The following MPPED1 variants were observed in gnomAD, a reference collection of about 807,000 sequenced individuals.
MPPED1 encodes metallophosphoesterase domain containing 1.
In MPPED1, 16 loss-of-function variants were observed where a neutral mutation model predicts 36.2. The ratio of observed to expected loss-of-function variants is 0.44; its 90% CI spans 0.30 to 0.67. The LOEUF (loss-of-function observed/expected upper bound fraction) is 0.67, where lower values mean the gene tolerates loss of function less well. Ranked by LOEUF, MPPED1 falls within the 30% of genes least tolerant of loss-of-function variation. The pLI is 0.10. For synonymous variants in MPPED1, 199 were observed against 191.3 expected, an observed-to-expected ratio of 1.04 and a Z score of -0.33; for missense variants, 307 against 453.4, an observed-to-expected ratio of 0.68 and a Z score of 2.93.
At chr22:43,462,110 T>C (rs142225018) in intron 3 of MPPED1, among the ~76,000 whole-genome samples, 285 of 152,332 alleles carry the variant, frequency 1.9e-3, no homozygotes, top group Non-Finnish European at 3.4e-3. Context: ...TTCTACCTGC[T>C]CTGTCTTTCC....
chr22:43,471,376 G>C (rs1036206934), intron 3 of MPPED1, among the ~76,000 whole-genome samples: 19 of 152,326 alleles, frequency 1.2e-4, no homozygotes, highest in African/African-American at 4.6e-4. Context: ...TTGGGGAGGG[G>C]CTCGATGAGG....
intron 4 of MPPED1, among the ~76,000 whole-genome samples, chr22:43,488,071 T>C (rs1208445329): frequency 6.6e-6 from 1 of 152,102 alleles, no homozygotes; most frequent in Non-Finnish European, 1.5e-5. Flanking sequence ...GTGGAGGCCA[T>C]GGTGGCAGCT....
intron 1 of MPPED1, chr22:43,418,060 T>A (rs1186193182): frequency 2.2e-6 from 1 of 456,302 alleles, no homozygotes; most frequent in Admixed American, 2.3e-5. Flanking sequence ...AGCACCATAT[T>A]ATGCTAGCCC....
chr22:43,474,707 T>C lies in MPPED1; in HGVS notation c.407-29T>C. On this transcript the variant is annotated intron_variant, in intron 3 of 6. Coordinates refer to ENST00000443721, the MANE Select transcript of MPPED1 (RefSeq NM_001044370.2). This position sits in a 1 kb window ranked among gnomAD's most constrained non-coding sequence, Gnocchi z 5.2. ...TCTGGACAAGCTGACGGCTGTGTGC[T>C]GTGTGTCTGTCTGTGTCCACCCCTG... is the stretch of plus-strand genomic sequence containing the variant. 6.2e-7 allele frequency: 1 copy of C among 1,609,718 alleles called. No homozygotes were observed. The highest frequency in any genetic ancestry group is 8.5e-7 in the Non-Finnish European group (1 of 1,176,388).
intron 4 of MPPED1, among the ~76,000 whole-genome samples, chr22:43,475,571 GTTGTGGTGGTGGT>G (rs2146886259): frequency 3.5e-5 from 2 of 56,952 alleles, no homozygotes; most frequent in East Asian, 6.3e-4. Context: ...GATGATGATG[GTTGTGGTGGTGGT>G]GGTGGTGGTG....
intron 4 of MPPED1, among the ~76,000 whole-genome samples, chr22:43,492,417 G>C (rs1932132225): frequency 6.6e-6 from 1 of 152,110 alleles, no homozygotes; most frequent in Admixed American, 6.5e-5. Context: ...GTCTGAGGGA[G>C]ACGGTGCCCA....
intron 3 of MPPED1, among the ~76,000 whole-genome samples, chr22:43,460,249 A>G (rs184273785): frequency 1.6e-5 from 1 of 62,816 alleles, no homozygotes; most frequent in South Asian, 6.3e-4. Context: ...AAACAAAAAC[A>G]AAAACAAACC....
intron 3 of MPPED1, among the ~76,000 whole-genome samples, chr22:43,445,669 T>A (rs745708732): frequency 3.5e-5 from 5 of 144,752 alleles, no homozygotes; most frequent in Admixed American, 2.1e-4. Flanking sequence ...TAAGCAACCC[T>A]CCCGTCTTAG....
chr22:43,459,893 G>A (rs1054666856), intron 3 of MPPED1, among the ~76,000 whole-genome samples: 3 of 151,858 alleles, frequency 2.0e-5, no homozygotes, highest in Non-Finnish European at 2.9e-5. Flanking sequence ...GTTTCTTTGT[G>A]TGTTTCATTT....
At chr22:43,478,450 A>G (rs1931644824) in intron 4 of MPPED1, among the ~76,000 whole-genome samples, 1 of 152,118 alleles carries the variant, frequency 6.6e-6, no homozygotes, top group South Asian at 2.1e-4. Flanking sequence ...GTCAACAACC[A>G]ATTCCATCAT....
At chr22:43,499,523 GTGA>G (rs1932555621) in intron 5 of MPPED1, among the ~76,000 whole-genome samples, 1 of 145,438 alleles carries the variant, frequency 6.9e-6, no homozygotes, top group Non-Finnish European at 1.5e-5. Context: ...GATGGTGGTG[GTGA>G]TGGAGGTGGT....
intron 2 of MPPED1, among the ~76,000 whole-genome samples, chr22:43,430,993 T>G (rs1929657982): frequency 6.7e-6 from 1 of 149,864 alleles, no homozygotes; most frequent in Admixed American, 6.7e-5. Flanking sequence ...GCCCTCTTGT[T>G]CACTGTCTCT....
At chr22:43,499,614 A>G (rs1054800163) in intron 5 of MPPED1, among the ~76,000 whole-genome samples, 11 of 8,538 alleles carry the variant, frequency 1.3e-3, no homozygotes, top group Non-Finnish European at 1.4e-3. Flanking sequence ...GGTGGTGGTG[A>G]TGGTGGTGGT....
intron 3 of MPPED1, among the ~76,000 whole-genome samples, chr22:43,452,763 G>A (rs1930616171): frequency 6.6e-6 from 1 of 151,804 alleles, no homozygotes; most frequent in African/African-American, 2.4e-5. Context: ...CAAGTAGCTG[G>A]GACCACAGGC....
intron 4 of MPPED1, among the ~76,000 whole-genome samples, chr22:43,480,462 G>A (rs1271415142): frequency 6.6e-6 from 1 of 152,206 alleles, no homozygotes; most frequent in Non-Finnish European, 1.5e-5. Context: ...CAGTGAGGCC[G>A]AGAATCTCTT....
At chr22:43,416,230 G>T (rs2146809321) in intron 1 of MPPED1, among the ~76,000 whole-genome samples, 1 of 152,356 alleles carries the variant, frequency 6.6e-6, no homozygotes, top group South Asian at 2.1e-4. Context: ...TTGTAAGTTT[G>T]TCATTCAGGC....
rs565336558 is a variant in MPPED1 at position 43,433,753 on chromosome 22, A to T, written c.225-1281A>T. Among the ~76,000 whole-genome samples, 488 of 71,876 alleles carry T rather than the reference A, an allele frequency of 6.8e-3. 2 individuals carry two copies. The highest frequency in any genetic ancestry group is 0.02 in the African/African-American group (478 of 23,674). The allele number at this position is 71,876 out of a possible 152,430, so 47.2% of individuals were successfully genotyped here. A position where few individuals can be genotyped will look rare whatever the true frequency, so the allele number is the denominator to read the frequency against. On this transcript the variant is annotated intron_variant, in intron 2 of 6. Transcript: ENST00000443721. ...TGTTAATTAAATTTCTTCGAAGTAT[A>T]TTGTCTGAAAAAAAAAAAAGGATAA... is the stretch of plus-strand genomic sequence containing the variant.
At chr22:43,505,436 A>AC in intron 6 of MPPED1, 62 bp from the exon 7 acceptor site, 2 of 1,469,226 alleles carry the variant, frequency 1.4e-6, no homozygotes, top group Non-Finnish European at 1.9e-6. Context: ...TGACTGCCAC[A>AC]CCCCCCTGGC....
rs73887322 is a variant in MPPED1, at chr22:43,482,896, C to G, written c.632+7935C>G. ...GTTGGATGGGGCCAGAACGGAGCAG[C>G]CTGGAACTTGAAATCTGTACCCTGA... On this transcript the variant is annotated intron_variant, in intron 4 of 6. Transcript: ENST00000443721. Among the ~76,000 whole-genome samples, 1,269 of 152,328 alleles carry G rather than the reference C, an allele frequency of 8.3e-3. 23 individuals are homozygous for G. Among genetic ancestry groups the G allele is most frequent in the African/African-American group, 0.029 (1,200 of 41,576 alleles).
Sources: allele counts gnomAD v4.1 joint callset (sites outside exome capture counted in the v4.1 genomes callset), GRCh38; gene constraint gnomAD v4.1.1; non-coding constraint Gnocchi (gnomAD v3.1); transcripts MANE v1.5; gene names NCBI Gene and HGNC (gene_info 2026-07-23, HGNC 2026-07-21).